Variants in ST8SIA1 observed in about 807,000 individuals in gnomAD.
ST8SIA1 encodes the protein alpha-N-acetylneuraminide alpha-2,8-sialyltransferase.
Under a neutral mutation model 35.9 loss-of-function variants are expected in ST8SIA1, and 16 were observed. The ratio of observed to expected loss-of-function variants is 0.45; its 90% CI spans 0.30 to 0.68. The LOEUF is 0.68. Ranked by LOEUF, ST8SIA1 falls within the 30% of genes least tolerant of loss-of-function variation. ST8SIA1 has a pLI of 0.09. For missense variants in ST8SIA1, 383 were observed against 453.6 expected (o/e 0.84, Z 1.41); for synonymous variants, 170 against 169.6 (o/e 1.00, Z -0.02).
chr12:22,334,445 G>A lies in ST8SIA1; in HGVS notation c.-213C>T, dbSNP rs1263048000. The A allele has an allele frequency of 1.7e-6, 1 of 592,258 alleles. No individual in the cohort carries two copies. The highest frequency in any genetic ancestry group is 2.8e-5 in the East Asian group (1 of 35,794). The allele number at this position is 592,258 out of a possible 1,614,324, so 36.7% of individuals were successfully genotyped here. A position where few individuals can be genotyped will look rare whatever the true frequency, so the allele number is the denominator to read the frequency against. On this transcript the variant is annotated 5_prime_UTR_variant, in exon 1 of 5. Transcript: ENST00000396037. ...ACTTTTCCAAGGATTTCTTTCTAGG[G>A]GAAGTGGCTGGGGGTGAAGTCACGA...
intron 4 of ST8SIA1, among the ~76,000 whole-genome samples, chr12:22,236,286 C>T (rs1865475220): frequency 6.6e-6 from 1 of 152,148 alleles, no homozygotes; most frequent in Admixed American, 6.6e-5. Context: ...AGAAACAGTT[C>T]CATATACAGA....
Position 22,197,725 on chromosome 12 carries a change from T to C in ST8SIA1, c.*3827A>G, listed in dbSNP as rs1865005653. On this transcript the variant is annotated 3_prime_UTR_variant, in exon 5 of 5. Transcript: ENST00000396037. ...TTGTCCAGATTGCTTCAGGTACAAG[T>C]TATATATAGCCTAAACAATTTTTTT... 6.6e-6 allele frequency: 1 copy of C among 152,140 alleles called. No homozygotes were observed. The allele number at this position is 152,140 out of a possible 1,614,324, so 9.4% of individuals were successfully genotyped here.
chr12:22,203,626 G>A (rs1169742459), intron 4 of ST8SIA1, among the ~76,000 whole-genome samples: 1 of 152,084 alleles, frequency 6.6e-6, no homozygotes, highest in East Asian at 1.9e-4. Flanking sequence ...AGGGTCTTTA[G>A]GTAGATTCAC....
chr12:22,250,303 G>T (rs1865654854), intron 3 of ST8SIA1, among the ~76,000 whole-genome samples: 1 of 152,060 alleles, frequency 6.6e-6, no homozygotes, highest in Non-Finnish European at 1.5e-5. Context: ...CTCTTTTCTT[G>T]AATTGTTGTT....
chr12:22,294,541 A>G (rs1215798003), intron 1 of ST8SIA1, among the ~76,000 whole-genome samples: 1 of 152,214 alleles, frequency 6.6e-6, no homozygotes, highest in African/African-American at 2.4e-5. Context: ...CAGAACTACA[A>G]ACACAGAGAA....
intron 4 of ST8SIA1, among the ~76,000 whole-genome samples, chr12:22,232,998 G>A (rs898602659): frequency 1.3e-5 from 2 of 152,084 alleles, no homozygotes; most frequent in African/African-American, 4.8e-5. Flanking sequence ...ACTGCAATTG[G>A]CAAAGCAGAA....
chr12:22,230,386 G>A (rs1340895701), intron 4 of ST8SIA1, among the ~76,000 whole-genome samples: 1 of 152,130 alleles, frequency 6.6e-6, no homozygotes, highest in African/African-American at 2.4e-5. Context: ...AAAGAGTAGA[G>A]TCTGTTTCCC....
chr12:22,257,599 G>A (rs1865742909), intron 2 of ST8SIA1, among the ~76,000 whole-genome samples: 1 of 151,846 alleles, frequency 6.6e-6, no homozygotes, highest in African/African-American at 2.4e-5. Context: ...AGATGAGGTA[G>A]TGAGCCTCAC....
chr12:22,278,557 G>A (rs950407305), intron 2 of ST8SIA1, among the ~76,000 whole-genome samples: 1 of 152,158 alleles, frequency 6.6e-6, no homozygotes, highest in African/African-American at 2.4e-5. Context: ...TAAAATCAGA[G>A]TGGATTGAAC....
At chr12:22,267,237 T>C (rs1243837737) in intron 2 of ST8SIA1, among the ~76,000 whole-genome samples, 1 of 152,216 alleles carries the variant, frequency 6.6e-6, no homozygotes, top group Non-Finnish European at 1.5e-5. Context: ...TAGTAAGTAA[T>C]GCAGCAGACT....
At chr12:22,264,826 C>A (rs969632903) in intron 2 of ST8SIA1, among the ~76,000 whole-genome samples, 1 of 152,100 alleles carries the variant, frequency 6.6e-6, no homozygotes, top group Non-Finnish European at 1.5e-5. Context: ...TTGTATTCCC[C>A]ATTCTATTAA....
chr12:22,300,980 G>A (rs141657622), intron 1 of ST8SIA1, among the ~76,000 whole-genome samples: 2,658 of 152,108 alleles, frequency 0.017, 62 homozygotes, highest in African/African-American at 0.061. Flanking sequence ...ATTGGTATGT[G>A]TTCCAAAATT....
chr12:22,249,691 GAA>G (rs1865647860), intron 3 of ST8SIA1, among the ~76,000 whole-genome samples: 1 of 152,134 alleles, frequency 6.6e-6, no homozygotes, highest in Non-Finnish European at 1.5e-5. Flanking sequence ...TCTACAAAAA[GAA>G]AGAGACAGTA....
chr12:22,210,762 TG>T (rs1865167903), intron 4 of ST8SIA1, among the ~76,000 whole-genome samples: 1 of 152,252 alleles, frequency 6.6e-6, no homozygotes, highest in Non-Finnish European at 1.5e-5. Context: ...AGTCTAAAGC[TG>T]CCTCTTCACA....
intron 4 of ST8SIA1, among the ~76,000 whole-genome samples, chr12:22,228,244 G>A (rs1865380065): frequency 6.6e-6 from 1 of 152,202 alleles, no homozygotes; most frequent in Non-Finnish European, 1.5e-5. Flanking sequence ...TGGATAGAGT[G>A]GGATTGAGTC....
intron 1 of ST8SIA1, among the ~76,000 whole-genome samples, chr12:22,321,018 GAAAGAAAGAA>G (rs1565596065): frequency 0.012 from 1,153 of 94,038 alleles, 26 homozygotes; most frequent in South Asian, 0.1. Flanking sequence ...AAGAAAGAAA[GAAAGAAAGAA>G]AGAAAGAGAA....
At chr12:22,302,907 C>T (rs1482231756) in intron 1 of ST8SIA1, among the ~76,000 whole-genome samples, 1 of 152,008 alleles carries the variant, frequency 6.6e-6, no homozygotes, top group Non-Finnish European at 1.5e-5. Context: ...AGCTGTCCCA[C>T]CTTTCTTGAT....
intron 4 of ST8SIA1, among the ~76,000 whole-genome samples, chr12:22,234,152 C>T (rs917746651): frequency 6.6e-6 from 1 of 151,236 alleles, no homozygotes; most frequent in Admixed American, 6.6e-5. Context: ...TCCAGCTACT[C>T]GGGAGGCTGA....
intron 1 of ST8SIA1, among the ~76,000 whole-genome samples, chr12:22,322,112 A>G (rs947610515): frequency 2.6e-5 from 4 of 152,232 alleles, no homozygotes; most frequent in African/African-American, 9.6e-5. Flanking sequence ...ATCACGATTC[A>G]GGCACCACAC....
Sources: allele counts gnomAD v4.1 joint callset (sites outside exome capture counted in the v4.1 genomes callset), GRCh38; gene constraint gnomAD v4.1.1; transcripts MANE v1.5; gene names NCBI Gene and HGNC (gene_info 2026-07-23, HGNC 2026-07-21).